The following GLUD2 variants were observed in gnomAD, a reference collection of about 807,000 sequenced individuals.
The protein encoded by GLUD2 is glutamate dehydrogenase 2, mitochondrial.
GLUD2 carries 11 observed loss-of-function variants against 16.2 expected under a neutral mutation model. The observed-to-expected ratio is 0.68, with a 90% confidence interval of 0.43 to 1.13. The LOEUF is 1.13. GLUD2 is among the 50% of genes most tolerant of loss of function. The pLI, the probability that GLUD2 is intolerant of heterozygous loss-of-function variation, is 0.00. For missense variants in GLUD2, 360 were observed against 456.4 expected, an observed-to-expected ratio of 0.79 and a Z score of 1.93; for synonymous variants, 147 against 181.9, an observed-to-expected ratio of 0.81 and a Z score of 1.55.
In GLUD2 at chrX:121,049,352, C is replaced by G; in HGVS notation, c.1668C>G (p.Thr556=). ...VFKVYSEAGV[T]FT is the part of the protein sequence containing the mutation. ...AAGTGTACAGTGAAGCTGGTGTGAC[C>G]TTCACATAGATGGATCATGGCTGAC... The change falls in exon 1 of 1, where the codon ACC becomes ACG. Residue 556 remains threonine, a synonymous_variant. Transcript: ENST00000328078. The G allele has an allele frequency of 1.7e-6, 2 of 1,204,282 alleles. No individual in the cohort carries two copies. Among genetic ancestry groups the G allele is most frequent in the South Asian group, 3.5e-5 (2 of 56,782 alleles).
In GLUD2 at chrX:121,048,245, G is replaced by T. The variant is rs201575340; in HGVS notation, c.561G>T (p.Lys187Asn). 2 of 1,211,916 alleles carry T rather than the reference G, an allele frequency of 1.7e-6. No individual in the cohort carries two copies. Among genetic ancestry groups the T allele is most frequent in the Admixed American group, 4.3e-5 (2 of 46,115 alleles). The change falls in exon 1 of 1, where the codon AAG (lysine) becomes AAT (asparagine). Residue 187 changes from lysine (K) to asparagine (N), a missense_variant. By Grantham distance (94) the Lys-to-Asn change is moderately conservative (BLOSUM62 0). Transcript: ENST00000328078. ...VPFGGAKAGVKINPKNYTENE... is the reference protein window; with the variant it reads ...VPFGGAKAGVNINPKNYTENE... ...TTGGGGGTGCTAAAGCTGGTGTTAA[G>T]ATCAATCCCAAGAACTATACCGAAA...
In GLUD2 at chrX:121,048,266, C is replaced by T. The variant is rs752231129; in HGVS notation, c.582C>T (p.Thr194=). ...AGVKINPKNY[T]ENELEKITRR... is the part of the protein sequence containing the mutation. ...TTAAGATCAATCCCAAGAACTATAC[C>T]GAAAATGAATTGGAAAAGATCACAA... Residue 194 remains threonine (T), a synonymous_variant, in exon 1 of 1, where the codon ACC becomes ACT. Coordinates refer to ENST00000328078, the MANE Select transcript of GLUD2 (RefSeq NM_012084.4). The T allele has an allele frequency of 3.3e-6, 4 of 1,211,317 alleles. No homozygotes were observed. Among genetic ancestry groups the T allele is most frequent in the Non-Finnish European group, 3.4e-6 (3 of 895,271 alleles).
rs778814542 is a variant in GLUD2, at chrX:121,048,799, T to C, written c.1115T>C (p.Leu372Ser). The change falls in exon 1 of 1, where the codon TTG (leucine) becomes TCG (serine). Residue 372 changes from leucine to serine, a missense_variant. Physicochemically the swap from Leu to Ser is moderately radical, Grantham distance 145. This residue lies in a region of GLUD2 where 279 missense variants were observed against 352.9 expected (regional missense o/e 0.79). Coordinates refer to ENST00000328078, the MANE Select transcript of GLUD2 (RefSeq NM_012084.4). ...GCAAAGCCCTATGAAGGAAGCATCT[T>C]GGAGGTCGACTGTGACATACTGATC... ...PKAKPYEGSI[L>S]EVDCDILIPA... 2.5e-6 allele frequency: 3 copies of C among 1,211,582 alleles called. No homozygotes were observed. In the South Asian group the frequency reaches 5.3e-5, roughly 21 times the overall value.
In GLUD2 at chrX:121,047,675, G is replaced by T. The variant is rs772903729; in HGVS notation, c.-10G>T. On this transcript the variant is annotated 5_prime_UTR_variant, in exon 1 of 1. Transcript: ENST00000328078. ...CGCGACCGTCACGCACCCCTCCTCC[G>T]CCTGCCGCGATGTACCGCTACCTGG... The T allele has an allele frequency of 9.4e-7, 1 of 1,059,229 alleles. No individual in the cohort carries two copies. Among genetic ancestry groups the T allele is most frequent in the Non-Finnish European group, 1.2e-6 (1 of 814,482 alleles). 87.3% of individuals were successfully genotyped at this position (1,059,229 alleles called of 1,213,427 possible).
rs1807849711 is a variant in GLUD2, at chrX:121,048,231, A to G, written c.547A>G (p.Lys183Glu). ...AVVDVPFGGA[K>E]AGVKINPKNY... is the part of the protein sequence containing the mutation. Reference sequence around the variant, plus strand: ...GGTTGATGTGCCGTTTGGGGGTGCTAAAGCTGGTGTTAAGATCAATCCCAA... The same window carrying G: ...GGTTGATGTGCCGTTTGGGGGTGCTGAAGCTGGTGTTAAGATCAATCCCAA... Residue 183 changes from lysine to glutamate, a missense_variant, in exon 1 of 1, where the codon AAA becomes GAA. Coordinates refer to ENST00000328078, the MANE Select transcript of GLUD2 (RefSeq NM_012084.4). 7.4e-6 allele frequency: 9 copies of G among 1,210,096 alleles called. No homozygotes were observed. The highest frequency in any genetic ancestry group is 1.0e-5 in the Non-Finnish European group (9 of 895,205).
chrX:121,047,924 C>T lies in GLUD2; in HGVS notation c.240C>T (p.Ile80=), dbSNP rs751308697. ...VEGFFDRGAS[I]VEDKLVKDLR... is the part of the protein sequence containing the mutation. Reference sequence around the variant, plus strand: ...GCTTCTTCGATCGCGGCGCCAGCATCGTGGAGGACAAGTTGGTGAAGGACC... The same window carrying T: ...GCTTCTTCGATCGCGGCGCCAGCATTGTGGAGGACAAGTTGGTGAAGGACC... The change falls in exon 1 of 1, where the codon ATC becomes ATT. Residue 80 remains isoleucine, a synonymous_variant. Transcript: ENST00000328078. 14 of 1,209,907 alleles carry T rather than the reference C, an allele frequency of 1.2e-5. No homozygotes were observed. The highest frequency in any genetic ancestry group is 1.7e-5 in the African/African-American group (1 of 57,417).
At position 121,048,090 on chromosome X, in the gene GLUD2, C is replaced by G. The variant is rs151307722; in HGVS notation, c.406C>G (p.Arg136Gly). 1 of 1,209,976 alleles carries G rather than the reference C, an allele frequency of 8.3e-7. No homozygotes were observed. Among genetic ancestry groups the G allele is most frequent in the East Asian group, 3.0e-5 (1 of 33,742 alleles). ...CTCCTGGGAGGTCATCGAAGGCTAC[C>G]GGGCCCAGCACAGCCAGCACCGCAC... The part of the protein sequence containing the change: ...DGSWEVIEGY[R>G]AQHSQHRTPC... Residue 136 changes from arginine to glycine, a missense_variant, in exon 1 of 1, where the codon CGG becomes GGG. Coordinates refer to ENST00000328078, the MANE Select transcript of GLUD2 (RefSeq NM_012084.4).
Position 121,047,817 on chromosome X carries a change from C to A in GLUD2, c.133C>A (p.Leu45Ile), listed in dbSNP as rs1247817972. 4 of 1,207,015 alleles carry A rather than the reference C, an allele frequency of 3.3e-6. No individual in the cohort carries two copies. The African/African-American group carries it at 7.0e-5, about 21-fold the overall frequency. ...GCCCGCCGCCGCCTCGCAGCCGGGG[C>A]TCGCATTGGCCGCCCGGCGCCACTA... Reference protein sequence around the residue: ...GQPAAASQPGLALAARRHYSE... With the variant: ...GQPAAASQPGIALAARRHYSE... Residue 45 changes from leucine to isoleucine, a missense_variant, in exon 1 of 1, where the codon CTC (leucine) becomes ATC (isoleucine). By Grantham distance (5) the Leu-to-Ile change is conservative. Transcript: ENST00000328078.
chrX:121,049,153 C>T lies in GLUD2; in HGVS notation c.1469C>T (p.Thr490Met), dbSNP rs141237083. 2.6e-5 allele frequency: 32 copies of T among 1,210,162 alleles called. No individual in the cohort carries two copies. Among genetic ancestry groups the T allele is most frequent in the South Asian group, 1.2e-4 (7 of 56,835 alleles). Reference protein sequence around the residue: ...KHGGTIPIVPTAEFQDSISGA... With the variant: ...KHGGTIPIVPMAEFQDSISGA... ...GGTGGAACTATTCCCATTGTACCCACGGCAGAGTTCCAAGACAGTATATCG... is the reference window on the plus strand; with the variant it reads ...GGTGGAACTATTCCCATTGTACCCATGGCAGAGTTCCAAGACAGTATATCG... The change falls in exon 1 of 1, where the codon ACG (threonine) becomes ATG (methionine). Residue 490 changes from threonine (T) to methionine (M), a missense_variant. Thr to Met is a moderately conservative substitution (Grantham distance 81). Around this residue, in one of 3 missense-constraint regions of GLUD2, gnomAD observed 279 missense variants for 352.9 expected, o/e 0.79. Transcript: ENST00000328078.
chrX:121,048,976 A>G lies in GLUD2; in HGVS notation c.1292A>G (p.Asn431Ser). The change falls in exon 1 of 1, where the codon AAT becomes AGT. Residue 431 changes from asparagine to serine, a missense_variant. This residue lies in a region of GLUD2 where 279 missense variants were observed against 352.9 expected (regional missense o/e 0.79). Coordinates refer to ENST00000328078, the MANE Select transcript of GLUD2 (RefSeq NM_012084.4). Reference protein sequence around the residue: ...NILVIPDLYLNAGGVTVSYFE... With the variant: ...NILVIPDLYLSAGGVTVSYFE... ...TTGGTTATTCCAGATCTCTACTTGA[A>G]TGCTGGAGGAGTGACAGTATCTTAC... 8.3e-7 allele frequency: 1 copy of G among 1,211,223 alleles called. No homozygotes were observed. Among genetic ancestry groups the G allele is most frequent in the Non-Finnish European group, 1.1e-6 (1 of 894,762 alleles).
At position 121,049,173 on chromosome X, in the gene GLUD2, A is replaced by G; in HGVS notation, c.1489A>G (p.Ile497Val). 2.5e-6 allele frequency: 3 copies of G among 1,212,090 alleles called. No homozygotes were observed. Among genetic ancestry groups the G allele is most frequent in the East Asian group, 3.0e-5 (1 of 33,865 alleles). Reference sequence around the variant, plus strand: ...ACCCACGGCAGAGTTCCAAGACAGTATATCGGGTGCATCTGAGAAAGACAT... The same window carrying G: ...ACCCACGGCAGAGTTCCAAGACAGTGTATCGGGTGCATCTGAGAAAGACAT... The part of the protein sequence containing the change: ...IVPTAEFQDS[I>V]SGASEKDIVH... The change falls in exon 1 of 1, where the codon ATA becomes GTA. Residue 497 changes from isoleucine to valine, a missense_variant. Around this residue, in one of 3 missense-constraint regions of GLUD2, gnomAD observed 279 missense variants for 352.9 expected, o/e 0.79. Coordinates refer to ENST00000328078, the MANE Select transcript of GLUD2 (RefSeq NM_012084.4).
rs1312951616 is a variant in GLUD2 at position 121,049,486 on chromosome X, A to C, written c.*125A>C. On this transcript the variant is annotated 3_prime_UTR_variant, in exon 1 of 1. Transcript: ENST00000328078. Reference sequence around the variant, plus strand: ...CTCATTACTAATGGATACCATTCTCAACAAGTCAATCCAAATCAGCCCGTT... The same window carrying C: ...CTCATTACTAATGGATACCATTCTCCACAAGTCAATCCAAATCAGCCCGTT... The C allele has an allele frequency of 7.6e-6, 5 of 657,918 alleles. No homozygotes were observed. In the African/African-American group the frequency reaches 1.1e-4, roughly 14 times the overall value. 54.2% of individuals were successfully genotyped at this position (657,918 alleles called of 1,213,427 possible). A position where few individuals can be genotyped will look rare whatever the true frequency, so the allele number is the denominator to read the frequency against.
At position 121,049,702 on chromosome X, in the gene GLUD2, C is replaced by T. The variant is rs1192400436; in HGVS notation, c.*341C>T. ...ACAGTCAAGAGCAGTCAGTTGCTTA[C>T]TTATTTTGCTCTGGATGAGTCTGGG... On this transcript the variant is annotated 3_prime_UTR_variant, in exon 1 of 1. Transcript: ENST00000328078. 2.0e-5 allele frequency: 6 copies of T among 296,375 alleles called. No individual in the cohort carries two copies. Among genetic ancestry groups the T allele is most frequent in the Non-Finnish European group, 3.7e-5 (6 of 160,258 alleles). 24.4% of individuals were successfully genotyped at this position (296,375 alleles called of 1,213,427 possible).
chrX:121,049,013 G>A lies in GLUD2; in HGVS notation c.1329G>A (p.Leu443=), dbSNP rs1925437078. ...TGACAGTATCTTACTTTGAGTGGCT[G>A]AAGAATCTAAATCATGTCAGCTATG... is the stretch of plus-strand genomic sequence containing the variant. ...GGVTVSYFEW[L]KNLNHVSYGR... Residue 443 remains leucine (L), a synonymous_variant, in exon 1 of 1, where the codon CTG becomes CTA. Coordinates refer to ENST00000328078, the MANE Select transcript of GLUD2 (RefSeq NM_012084.4). 1 of 1,211,717 alleles carries A rather than the reference G, an allele frequency of 8.3e-7. No homozygotes were observed. Among genetic ancestry groups the A allele is most frequent in the Non-Finnish European group, 1.1e-6 (1 of 895,241 alleles).
rs769746355 is a variant in GLUD2 at position 121,049,032 on chromosome X, A to G, written c.1348A>G (p.Ser450Gly). The change falls in exon 1 of 1, where the codon AGC becomes GGC. Residue 450 changes from serine to glycine, a missense_variant. Physicochemically the swap from Ser to Gly is moderately conservative, Grantham distance 56. Around this residue, in one of 3 missense-constraint regions of GLUD2, gnomAD observed 279 missense variants for 352.9 expected, o/e 0.79. Transcript: ENST00000328078. ...FEWLKNLNHV[S>G]YGRLTFKYER... is the part of the protein sequence containing the mutation. ...GTGGCTGAAGAATCTAAATCATGTC[A>G]GCTATGGCCGTTTGACCTTCAAATA... The G allele has an allele frequency of 8.3e-7, 1 of 1,210,372 alleles. No individual in the cohort carries two copies. The highest frequency in any genetic ancestry group is 1.7e-5 in the African/African-American group (1 of 57,313).
rs1173832486 is a variant in GLUD2, at chrX:121,049,811, T to A, written c.*450T>A. 6.8e-6 allele frequency: 1 copy of A among 147,650 alleles called. No homozygotes were observed. The highest frequency in any genetic ancestry group is 1.5e-5 in the Non-Finnish European group (1 of 68,426). 12.2% of individuals were successfully genotyped at this position (147,650 alleles called of 1,213,427 possible). On this transcript the variant is annotated 3_prime_UTR_variant, in exon 1 of 1. Transcript: ENST00000328078. The stretch of plus-strand genomic sequence containing the variant: ...ATGGTCCTCAAGTGAGTTCTTAGTA[T>A]TTTATATCAGCAAAATAACTCAATT...
At position 121,047,945 on chromosome X, in the gene GLUD2, G is replaced by A. The variant is rs1169926603; in HGVS notation, c.261G>A (p.Lys87=). ...GCATCGTGGAGGACAAGTTGGTGAA[G>A]GACCTGAGGACCCAGGAAAGCGAGG... ...GASIVEDKLV[K]DLRTQESEEQ... Residue 87 remains lysine, a synonymous_variant, in exon 1 of 1, where the codon AAG becomes AAA. Coordinates refer to ENST00000328078, the MANE Select transcript of GLUD2 (RefSeq NM_012084.4). The A allele has an allele frequency of 8.3e-7, 1 of 1,211,678 alleles. No homozygotes were observed. Among genetic ancestry groups the A allele is most frequent in the Non-Finnish European group, 1.1e-6 (1 of 895,588 alleles).
chrX:121,049,130 T>G lies in GLUD2; in HGVS notation c.1446T>G (p.Gly482=). The change falls in exon 1 of 1, where the codon GGT becomes GGG. Residue 482 remains glycine, a synonymous_variant. Coordinates refer to ENST00000328078, the MANE Select transcript of GLUD2 (RefSeq NM_012084.4). ...ESLERKFGKH[G]GTIPIVPTAE... ...TAGAAAGAAAATTTGGAAAGCATGG[T>G]GGAACTATTCCCATTGTACCCACGG... 4.1e-6 allele frequency: 5 copies of G among 1,211,949 alleles called. No individual in the cohort carries two copies. Among genetic ancestry groups the G allele is most frequent in the Non-Finnish European group, 5.6e-6 (5 of 895,487 alleles).
rs767733786 is a variant in GLUD2 at position 121,047,786 on chromosome X, C to T, written c.102C>T (p.Arg34=). The change falls in exon 1 of 1, where the codon CGC becomes CGT. Residue 34 remains arginine (R), a synonymous_variant. Transcript: ENST00000328078. ...CGGCCGCGTTGCTGGGCCGGGGCCGCGGACAGCCCGCCGCCGCCTCGCAGC... is the reference window on the plus strand; with the variant it reads ...CGGCCGCGTTGCTGGGCCGGGGCCGTGGACAGCCCGCCGCCGCCTCGCAGC... The part of the protein sequence containing the change: ...NHSAALLGRG[R]GQPAAASQPG... 8.4e-7 allele frequency: 1 copy of T among 1,191,494 alleles called. No individual in the cohort carries two copies. Among genetic ancestry groups the T allele is most frequent in the Non-Finnish European group, 1.1e-6 (1 of 885,877 alleles).
Sources: allele counts gnomAD v4.1 joint callset, GRCh38; gene constraint gnomAD v4.1.1; regional missense constraint gnomAD v4.1.1; transcripts MANE v1.5; gene names NCBI Gene and HGNC (gene_info 2026-07-23, HGNC 2026-07-21).